Variants in ITIH5 observed in about 807,000 individuals in gnomAD.
ITIH5 encodes the protein inter-alpha-trypsin inhibitor heavy chain 5.
In ITIH5, 65 loss-of-function variants were observed where a neutral mutation model predicts 77.5. That is an observed-to-expected ratio of 0.84 (90% confidence interval 0.69 to 1.03). ITIH5 has a LOEUF of 1.03. Ranked by LOEUF, ITIH5 falls within the 50% of genes least tolerant of loss-of-function variation. The pLI, the probability that ITIH5 is intolerant of heterozygous loss-of-function variation, is 0.00. For synonymous variants in ITIH5, 525 were observed against 494.3 expected (o/e 1.06, Z -0.82); for missense variants, 1,208 against 1,213.1 (o/e 1.00, Z 0.06).
chr10:7,586,721 T>C (rs1832686815), intron 7 of ITIH5, among the ~76,000 whole-genome samples: 1 of 152,050 alleles, frequency 6.6e-6, no homozygotes, highest in Non-Finnish European at 1.5e-5. Context: ...ATAAATACCA[T>C]AGGAATTGAA....
intron 13 of ITIH5, among the ~76,000 whole-genome samples, chr10:7,563,819 C>T (rs1213791555): frequency 6.6e-6 from 1 of 152,230 alleles, no homozygotes; most frequent in Non-Finnish European, 1.5e-5. Flanking sequence ...CTCTCTGACC[C>T]TCGTCCTCAG....
intron 5 of ITIH5, among the ~76,000 whole-genome samples, chr10:7,634,827 C>G (rs1003089355): frequency 1.1e-4 from 16 of 152,152 alleles, no homozygotes; most frequent in Non-Finnish European, 1.6e-4. Flanking sequence ...CTTACGAGAT[C>G]CTGACAACTC....
At position 7,641,620 on chromosome 10, in the gene ITIH5, G is replaced by A. The variant is rs185211666; in HGVS notation, c.299+307C>T. Among the ~76,000 whole-genome samples, 139 of 138,820 alleles carry A rather than the reference G, an allele frequency of 1.0e-3. 2 individuals are homozygous for A. In the East Asian group the frequency reaches 0.023, roughly 23 times the overall value. The allele number at this position is 138,820 out of a possible 152,430, so 91.1% of individuals were successfully genotyped here. ...GAAAATAGAAGGAAGGGAGAGAGAC[G>A]AGGAGGGAAGGAAAGAAAAGGAAGG... On this transcript the variant is annotated intron_variant, in intron 3 of 13. Transcript: ENST00000397146.
chr10:7,644,107 G>A (rs1833930218), intron 2 of ITIH5, among the ~76,000 whole-genome samples: 1 of 152,068 alleles, frequency 6.6e-6, no homozygotes, highest in Non-Finnish European at 1.5e-5. Context: ...GTGTGGTGGT[G>A]CATGACTGTA....
chr10:7,586,042 G>A lies in ITIH5; in HGVS notation c.967C>T (p.His323Tyr). The A allele has an allele frequency of 3.7e-6, 6 of 1,613,786 alleles. No homozygotes were observed. The highest frequency in any genetic ancestry group is 5.1e-6 in the Non-Finnish European group (6 of 1,179,914). The change falls in exon 8 of 14, where the codon CAT (histidine) becomes TAT (tyrosine). Residue 323 changes from histidine to tyrosine, a missense_variant. By Grantham distance (83) the His-to-Tyr change is moderately conservative. Coordinates refer to ENST00000397146, the MANE Select transcript of ITIH5 (RefSeq NM_030569.7). ...AAACGGTCCTGGGGTCGGAGGTCAT[G>A]GAGAATTGTGAAGAGGGCATCCTTG... Reference protein sequence around the residue: ...QTKDALFTILHDLRPQDRFSI... With the variant: ...QTKDALFTILYDLRPQDRFSI...
In ITIH5 at chr10:7,637,491, A is replaced by G; in HGVS notation, c.402-13T>C. The G allele has an allele frequency of 6.2e-7, 1 of 1,612,778 alleles. No homozygotes were observed. The highest frequency in any genetic ancestry group is 2.2e-5 in the East Asian group (1 of 44,878). ...AGTCCCCTTCTCTCTGTCAGGAAAA[A>G]GGAAAAGGACCCCAGGGAGGTTCGG... On this transcript the variant is annotated splice_polypyrimidine_tract_variant and intron_variant, in intron 4 of 13. Transcript: ENST00000397146.
chr10:7,655,050 A>T (rs2131105745), intron 2 of ITIH5, among the ~76,000 whole-genome samples: 1 of 152,330 alleles, frequency 6.6e-6, no homozygotes, highest in South Asian at 2.1e-4. Context: ...AATCCACTCA[A>T]ACACCAGCCA....
At chr10:7,586,346 T>C (rs755513819) in intron 7 of ITIH5, among the ~76,000 whole-genome samples, 2 of 152,202 alleles carry the variant, frequency 1.3e-5, no homozygotes, top group Non-Finnish European at 2.9e-5. Flanking sequence ...GCTGTTCTCT[T>C]GACCCCAGAT....
intron 7 of ITIH5, among the ~76,000 whole-genome samples, chr10:7,608,451 G>A (rs1188554394): frequency 6.6e-6 from 1 of 151,764 alleles, no homozygotes; most frequent in Non-Finnish European, 1.5e-5. Context: ...GGCTAATTTT[G>A]TTTATCTTTT....
rs192792788 is a variant in ITIH5 at position 7,665,844 on chromosome 10, C to A, written c.90+959G>T. ...CTGGGATTTTATTAGCTACTCCCCC[C>A]CTAGAAGGAAGTATCATTACTACCA... On this transcript the variant is annotated intron_variant, in intron 1 of 13. Coordinates refer to ENST00000397146, the MANE Select transcript of ITIH5 (RefSeq NM_030569.7). 7.2e-5 allele frequency among the ~76,000 whole-genome samples: 11 copies of A among 152,232 alleles called. No individual in the cohort carries two copies. In the South Asian group the frequency reaches 1.0e-3, roughly 14 times the overall value.
intron 1 of ITIH5, among the ~76,000 whole-genome samples, chr10:7,663,550 T>G (rs1315418537): frequency 1.3e-5 from 2 of 152,222 alleles, no homozygotes; most frequent in Non-Finnish European, 2.9e-5. Context: ...TTGTTGTGCT[T>G]TCTTTATCTT....
chr10:7,661,256 G>A (rs1388968264), intron 1 of ITIH5, among the ~76,000 whole-genome samples: 1 of 152,138 alleles, frequency 6.6e-6, no homozygotes, highest in African/African-American at 2.4e-5. Context: ...ACAGATCCAA[G>A]AGCCATTACA....
chr10:7,632,321 G>A (rs1328962440), intron 5 of ITIH5, among the ~76,000 whole-genome samples: 2 of 152,152 alleles, frequency 1.3e-5, no homozygotes, highest in Non-Finnish European at 1.5e-5. Flanking sequence ...GACTGCAAAT[G>A]GGTACAGGGA....
At chr10:7,655,284 C>A (rs929306349) in intron 2 of ITIH5, among the ~76,000 whole-genome samples, 2 of 152,236 alleles carry the variant, frequency 1.3e-5, no homozygotes, top group South Asian at 2.1e-4. Flanking sequence ...AATGTCAATT[C>A]TTTGGTTGCT....
intron 1 of ITIH5, among the ~76,000 whole-genome samples, chr10:7,662,979 T>A (rs1462752149): frequency 1.3e-5 from 2 of 152,230 alleles, no homozygotes; most frequent in Non-Finnish European, 2.9e-5. Flanking sequence ...TCTGGAAATG[T>A]CCAATTCAGG....
chr10:7,662,815 G>A (rs1834299872), intron 1 of ITIH5, among the ~76,000 whole-genome samples: 1 of 152,170 alleles, frequency 6.6e-6, no homozygotes, highest in Non-Finnish European at 1.5e-5. Flanking sequence ...GCACATAAGG[G>A]AGACGTTATT....
At chr10:7,564,891 T>A (rs1440125989) in intron 13 of ITIH5, among the ~76,000 whole-genome samples, 1 of 118,376 alleles carries the variant, frequency 8.4e-6, no homozygotes, top group Admixed American at 9.7e-5. Context: ...CACACACACA[T>A]ACATACATAT....
chr10:7,578,246 C>T (rs890214117), intron 9 of ITIH5: 3 of 166,952 alleles, frequency 1.8e-5, no homozygotes, highest in African/African-American at 7.2e-5. Flanking sequence ...TCAGCCTTTG[C>T]CTTTCATCAT....
intron 2 of ITIH5, among the ~76,000 whole-genome samples, chr10:7,652,530 C>T (rs950617306): frequency 6.6e-6 from 1 of 152,058 alleles, no homozygotes; most frequent in Non-Finnish European, 1.5e-5. Flanking sequence ...CAGTAAAGTT[C>T]ATGTTAAAAA....
Sources: allele counts gnomAD v4.1 joint callset (sites outside exome capture counted in the v4.1 genomes callset), GRCh38; gene constraint gnomAD v4.1.1; transcripts MANE v1.5; gene names NCBI Gene and HGNC (gene_info 2026-07-23, HGNC 2026-07-21).